TRPV4: variants seen among roughly 807,000 people sequenced by gnomAD.
TRPV4 encodes the protein OSM9-like transient receptor potential channel 4.
Under a neutral mutation model 84.1 loss-of-function variants are expected in TRPV4, and 58 were observed. The ratio of observed to expected loss-of-function variants is 0.69; its 90% confidence interval spans 0.56 to 0.86. TRPV4 has a LOEUF of 0.86. Ranked by LOEUF, TRPV4 falls within the 40% of genes least tolerant of loss-of-function variation. The probability of loss-of-function intolerance (pLI) is 0.00; values close to 1 mark genes in which losing one functional copy is unlikely to be tolerated. For synonymous variants in TRPV4, 489 were observed against 500.9 expected, an observed-to-expected ratio of 0.98 and a Z score of 0.32; for missense variants, 879 against 1,181.1, an observed-to-expected ratio of 0.74 and a Z score of 3.75.
At chr12:109,792,129 C>T (rs1890080784) in intron 12 of TRPV4, among the ~76,000 whole-genome samples, 1 of 151,046 alleles carries the variant, frequency 6.6e-6, no homozygotes, top group Admixed American at 6.6e-5. Context: ...GCCCGTAATC[C>T]CAACTACGTG....
intron 11 of TRPV4, 62 bp from the exon 12 acceptor site, chr12:109,792,491 T>A (rs1358003726): frequency 1.3e-6 from 2 of 1,592,312 alleles, no homozygotes; most frequent in Non-Finnish European, 1.7e-6. Context: ...ACTTTCCCCA[T>A]TCCTCCATCT....
chr12:109,807,405 T>C (rs1172004269), intron 3 of TRPV4, among the ~76,000 whole-genome samples: 1 of 150,502 alleles, frequency 6.6e-6, no homozygotes, highest in African/African-American at 2.4e-5. Flanking sequence ...TTTTTTTTTT[T>C]TTTTCCTGTC....
intron 11 of TRPV4, 59 bp downstream of exon 11, chr12:109,792,593 G>GGT (rs1282679428): frequency 5.0e-6 from 8 of 1,603,174 alleles, no homozygotes; most frequent in Admixed American, 1.7e-5. Context: ...GTGTGCATGT[G>GGT]GTGTGTGTGT....
intron 2 of TRPV4, among the ~76,000 whole-genome samples, chr12:109,813,953 A>C (rs1008147753): frequency 1.3e-5 from 2 of 151,720 alleles, no homozygotes; most frequent in Non-Finnish European, 2.9e-5. Flanking sequence ...TGGAAGGATG[A>C]TGTATAAATG....
At chr12:109,819,766 TG>T (rs1469398294) in intron 1 of TRPV4, among the ~76,000 whole-genome samples, 1 of 152,210 alleles carries the variant, frequency 6.6e-6, no homozygotes. Context: ...TTTCACATGT[TG>T]GCCAGGCTGG....
chr12:109,792,957 G>A, intron 10 of TRPV4, 140 bp from the exon 11 acceptor site: 1 of 777,308 alleles, frequency 1.3e-6, no homozygotes, highest in Non-Finnish European at 2.1e-6. Flanking sequence ...GAAACAAAGT[G>A]GATTAGCAGG....
At position 109,793,669 on chromosome 12, in the gene TRPV4, A is replaced by T. The variant is rs1029889570; in HGVS notation, c.1585-69T>A. 1 of 1,305,848 alleles carries T rather than the reference A, an allele frequency of 7.7e-7. No individual in the cohort carries two copies. Among genetic ancestry groups the T allele is most frequent in the Non-Finnish European group, 1.1e-6 (1 of 900,828 alleles). 80.9% of individuals were successfully genotyped at this position (1,305,848 alleles called of 1,614,324 possible). On this transcript the variant is annotated intron_variant, in intron 9 of 15. Transcript: ENST00000261740. This position sits in a 1 kb window ranked among gnomAD's most constrained non-coding sequence, Gnocchi z 4.0. ...GAGAGGAGAGGAGGAGAGAGGAGAC[A>T]GAGAAAGGGATAGAAGAGAGGGAGG...
At chr12:109,819,540 C>T (rs1449372543) in intron 1 of TRPV4, among the ~76,000 whole-genome samples, 1 of 152,218 alleles carries the variant, frequency 6.6e-6, no homozygotes, top group African/African-American at 2.4e-5. Flanking sequence ...CTGACATCTT[C>T]ACAACAGCGT....
At position 109,800,729 on chromosome 12, in the gene TRPV4, G is replaced by A. The variant is rs370289434; in HGVS notation, c.742C>T (p.Arg248Cys). ...AGTTCCACGTAGTGTTTGCAGCGACGCTCAATGGCGATGTGCAGGGCTGTC... is the reference window on the plus strand; with the variant it reads ...AGTTCCACGTAGTGTTTGCAGCGACACTCAATGGCGATGTGCAGGGCTGTC... The part of the protein sequence containing the change: ...GQTALHIAIE[R>C]RCKHYVELLV... Residue 248 changes from arginine (R) to cysteine (C), a missense_variant, in exon 5 of 16, where the codon CGT (arginine) becomes TGT (cysteine). Arg to Cys is a radical substitution (Grantham distance 180). Around this residue, in one of 4 missense-constraint regions of TRPV4, gnomAD observed 521 missense variants for 686.6 expected, o/e 0.76. Coordinates refer to ENST00000261740, the MANE Select transcript of TRPV4 (RefSeq NM_021625.5). 1.8e-5 allele frequency: 29 copies of A among 1,613,972 alleles called. No individual in the cohort carries two copies. Among genetic ancestry groups the A allele is most frequent in the Admixed American group, 1.2e-4 (7 of 60,024 alleles).
intron 7 of TRPV4, among the ~76,000 whole-genome samples, chr12:109,795,931 T>TA (rs1890368406): frequency 6.6e-6 from 1 of 151,162 alleles, no homozygotes; most frequent in African/African-American, 2.4e-5. Flanking sequence ...TTTTTATTAT[T>TA]TTTTTTTGGT....
chr12:109,816,735 G>A (rs772575261), intron 1 of TRPV4, among the ~76,000 whole-genome samples: 13 of 152,222 alleles, frequency 8.5e-5, no homozygotes, highest in Middle Eastern at 3.4e-3. Context: ...CCAAGATGGC[G>A]CCACTGCACT....
intron 4 of TRPV4, among the ~76,000 whole-genome samples, chr12:109,802,292 G>A (rs1890835446): frequency 6.7e-6 from 1 of 150,124 alleles, no homozygotes; most frequent in South Asian, 2.1e-4. Flanking sequence ...AACAAGCCTG[G>A]CTTTTTTTGC....
chr12:109,796,390 G>T lies in TRPV4; in HGVS notation c.1332+135C>A. ...GGGCACTTAGTTGGCACCTTCTCTT[G>T]CATTCAGCCAACAGACCCACCACGT... On this transcript the variant is annotated intron_variant, in intron 7 of 15. Transcript: ENST00000261740. This position sits in a 1 kb window ranked among gnomAD's most constrained non-coding sequence, Gnocchi z 4.2. 1.0e-6 allele frequency: 1 copy of T among 958,838 alleles called. No homozygotes were observed. Among genetic ancestry groups the T allele is most frequent in the Non-Finnish European group, 1.6e-6 (1 of 624,758 alleles). The allele number at this position is 958,838 out of a possible 1,614,324, so 59.4% of individuals were successfully genotyped here. A position where few individuals can be genotyped will look rare whatever the true frequency, so the allele number is the denominator to read the frequency against.
intron 1 of TRPV4, among the ~76,000 whole-genome samples, chr12:109,823,242 C>G (rs1487260451): frequency 6.6e-6 from 1 of 152,234 alleles, no homozygotes; most frequent in Non-Finnish European, 1.5e-5. Flanking sequence ...GTTTGCTGCA[C>G]AGTGGCCGCC....
At chr12:109,827,999 G>C (rs1371477574) in intron 1 of TRPV4, among the ~76,000 whole-genome samples, 1 of 152,232 alleles carries the variant, frequency 6.6e-6, no homozygotes. Context: ...GGTCAACCGG[G>C]TGGAACCCAG....
At chr12:109,820,615 C>T (rs1211950758) in intron 1 of TRPV4, among the ~76,000 whole-genome samples, 5 of 150,660 alleles carry the variant, frequency 3.3e-5, no homozygotes, top group Middle Eastern at 6.4e-3. Flanking sequence ...CTCCGCCTCC[C>T]GGGTTCACGC....
rs775011025 is a variant in TRPV4, at chr12:109,793,584, A to G, written c.1601T>C (p.Met534Thr). Residue 534 changes from methionine to threonine, a missense_variant, in exon 10 of 16, where the codon ATG (methionine) becomes ACG (threonine). Physicochemically the swap from Met to Thr is moderately conservative, Grantham distance 81. Transcript: ENST00000261740. This position sits in a 1 kb window ranked among gnomAD's most constrained non-coding sequence, Gnocchi z 4.0. ...FFFTNIKDLF[M>T]KKCPGVNSLF... ...AGAATTCACTCCAGGGCATTTCTTC[A>G]TGAACAAGTCTTTGATCTGGAAGAC... 2.7e-5 allele frequency: 44 copies of G among 1,613,948 alleles called. No individual in the cohort carries two copies. In the East Asian group the frequency reaches 9.1e-4, roughly 34 times the overall value.
chr12:109,822,805 C>T (rs1220224229), intron 1 of TRPV4, among the ~76,000 whole-genome samples: 6 of 152,258 alleles, frequency 3.9e-5, no homozygotes, highest in African/African-American at 1.4e-4. Context: ...AGGGAACTGT[C>T]GTGAGGGTTA....
chr12:109,810,330 T>G lies in TRPV4; in HGVS notation c.387-1862A>C, dbSNP rs575040729. Among the ~76,000 whole-genome samples the G allele has an allele frequency of 3.9e-5, 6 of 152,220 alleles. No homozygotes were observed. The East Asian group carries it at 1.2e-3, about 29-fold the overall frequency. The stretch of plus-strand genomic sequence containing the variant: ...AGGAGGAAGATGGAGGCACAGGGTC[T>G]GGGAGGGAGAAGAGGGGAGAGTAGG... On this transcript the variant is annotated intron_variant, in intron 2 of 15. Transcript: ENST00000261740.
Sources: gnomAD v4.1 joint callset for allele counts (sites outside exome capture counted in the v4.1 genomes callset) on GRCh38, gnomAD v4.1.1 for gene constraint, gnomAD v4.1.1 regional missense constraint, Gnocchi (gnomAD v3.1) non-coding constraint, MANE v1.5 for transcripts, NCBI Gene and HGNC (gene_info 2026-07-23, HGNC 2026-07-21) for gene names.